Variants in RNLS observed in about 807,000 individuals in gnomAD.
RNLS encodes renalase, FAD dependent amine oxidase.
RNLS carries 39 observed loss-of-function variants against 39.8 expected under a neutral mutation model. That is an observed-to-expected ratio of 0.98 (90% CI 0.76 to 1.28). RNLS has a LOEUF of 1.28. Among genes scored for constraint, RNLS ranks in the 50% most tolerant of loss-of-function variants. The pLI, the probability that RNLS is intolerant of heterozygous loss-of-function variation, is 0.00. For missense variants in RNLS, 410 were observed against 413.3 expected (o/e 0.99, Z 0.07); for synonymous variants, 147 against 150.7 (o/e 0.98, Z 0.18).
At chr10:88,288,183 C>G (rs1843412198) in intron 6 of RNLS, among the ~76,000 whole-genome samples, 2 of 152,136 alleles carry the variant, frequency 1.3e-5, no homozygotes, top group Admixed American at 1.3e-4. Context: ...GCTGTATATG[C>G]ACACCCCATT....
chr10:88,404,689 C>G (rs1853152568), intron 4 of RNLS, among the ~76,000 whole-genome samples: 1 of 151,956 alleles, frequency 6.6e-6, no homozygotes, highest in African/African-American at 2.4e-5. Flanking sequence ...AAAAATGAAG[C>G]TTGGTAACAC....
At chr10:88,300,620 T>C (rs939487651) in intron 6 of RNLS, among the ~76,000 whole-genome samples, 3 of 152,184 alleles carry the variant, frequency 2.0e-5, no homozygotes, top group Non-Finnish European at 4.4e-5. Flanking sequence ...AGTTTTTGTA[T>C]GGCAAACTGT....
chr10:88,242,684 C>CT, the RNLS span, among the ~76,000 whole-genome samples: 1 of 152,188 alleles, frequency 6.6e-6, no homozygotes, highest in Non-Finnish European at 1.5e-5. Context: ...GGCACGGTGG[C>CT]TTATGCCTGT....
intron 3 of RNLS, among the ~76,000 whole-genome samples, chr10:88,577,679 C>T (rs569905808): frequency 2.0e-5 from 3 of 152,156 alleles, no homozygotes; most frequent in Non-Finnish European, 4.4e-5. Context: ...GTTTCACTCA[C>T]TCAAGAAGAT....
chr10:88,241,053 T>C, the RNLS span, among the ~76,000 whole-genome samples: 1 of 151,394 alleles, frequency 6.6e-6, no homozygotes, highest in Non-Finnish European at 1.5e-5. Flanking sequence ...GATATTTATA[T>C]ATATATTCCA....
chr10:88,285,784 T>C (rs1017596847), intron 6 of RNLS, among the ~76,000 whole-genome samples: 8 of 152,100 alleles, frequency 5.3e-5, no homozygotes, highest in Admixed American at 3.9e-4. Flanking sequence ...ACTTCAAAAT[T>C]AGTAGGGGCT....
At chr10:88,496,666 A>G (rs1191750422) in intron 4 of RNLS, among the ~76,000 whole-genome samples, 3 of 152,108 alleles carry the variant, frequency 2.0e-5, no homozygotes, top group East Asian at 3.9e-4. Flanking sequence ...CAGACAACAC[A>G]CAGCATTCCT....
chr10:88,282,271 A>G (rs1843039368), downstream of RNLS, among the ~76,000 whole-genome samples: 1 of 152,096 alleles, frequency 6.6e-6, no homozygotes, highest in Non-Finnish European at 1.5e-5. Context: ...ATTTCAGTTC[A>G]GTTTTAATTA....
At chr10:88,479,330 C>G (rs1844015393) in intron 4 of RNLS, among the ~76,000 whole-genome samples, 1 of 152,156 alleles carries the variant, frequency 6.6e-6, no homozygotes, top group Non-Finnish European at 1.5e-5. Context: ...ACCTTGGCAG[C>G]TAGAGTGTTG....
chr10:88,275,148 TG>T, intron 6 of RNLS: 1 of 762,852 alleles, frequency 1.3e-6, no homozygotes, highest in Non-Finnish European at 2.2e-6. Context: ...AGACCTGGAA[TG>T]GGGAGGGTTC....
intron 5 of RNLS, among the ~76,000 whole-genome samples, chr10:88,354,115 A>G (rs1053112242): frequency 2.0e-5 from 3 of 152,148 alleles, no homozygotes; most frequent in Non-Finnish European, 4.4e-5. Flanking sequence ...GTGTCTCTGC[A>G]AGTGAGATGG....
rs754357158 is a variant in RNLS, at chr10:88,581,624, TAC to T, written c.308_309del (p.Cys103Ter). The T allele has an allele frequency of 6.8e-6, 11 of 1,609,666 alleles. No homozygotes were observed. In the African/African-American group the frequency reaches 9.4e-5, roughly 14 times the overall value. ...IEGMVMKEGD[C>X]NFVAPQGISS... ...GAAATTCCTTGAGGTGCCACAAAGTTACAGTCTCCTTCTTTCATCACCATTCC... is the reference window on the plus strand; with the variant it reads ...GAAATTCCTTGAGGTGCCACAAAGTTAGTCTCCTTCTTTCATCACCATTCC... On this transcript the variant is annotated frameshift_variant, in exon 3 of 7. Transcript: ENST00000331772. LOFTEE classifies it high-confidence loss of function.
At chr10:88,362,874 C>T in intron 4 of RNLS, 149 bp from the exon 5 acceptor site, 1 of 672,362 alleles carries the variant, frequency 1.5e-6, no homozygotes, top group East Asian at 2.8e-5. Flanking sequence ...TGTAAAATAG[C>T]ACCAGCTCTA....
intron 4 of RNLS, among the ~76,000 whole-genome samples, chr10:88,365,516 A>AACAC (rs61386966): frequency 0.02 from 2,860 of 145,858 alleles, 33 homozygotes; most frequent in Non-Finnish European, 0.029. Flanking sequence ...AGGATTATAT[A>AACAC]ACACACACAC....
chr10:88,348,063 C>T lies in RNLS; in HGVS notation c.700+14489G>A, dbSNP rs747887434. 3.3e-5 allele frequency among the ~76,000 whole-genome samples: 5 copies of T among 152,192 alleles called. No individual in the cohort carries two copies. In the East Asian group the frequency reaches 5.8e-4, roughly 18 times the overall value. Reference sequence around the variant, plus strand: ...GTTAGTGGGGAGGTCTGAAAGACTGCGCCAGTTCCCACCTGTGACCCTTGC... The same window carrying T: ...GTTAGTGGGGAGGTCTGAAAGACTGTGCCAGTTCCCACCTGTGACCCTTGC... On this transcript the variant is annotated intron_variant, in intron 5 of 6. Coordinates refer to ENST00000331772, the MANE Select transcript of RNLS (RefSeq NM_001031709.3).
chr10:88,528,693 A>G (rs921494064), intron 4 of RNLS, among the ~76,000 whole-genome samples: 1 of 151,920 alleles, frequency 6.6e-6, no homozygotes, highest in African/African-American at 2.4e-5. Flanking sequence ...TAAAAATACA[A>G]ATTACAAAAA....
chr10:88,193,153 A>G, the RNLS span, among the ~76,000 whole-genome samples: 4 of 152,128 alleles, frequency 2.6e-5, no homozygotes, highest in Non-Finnish European at 4.4e-5. Context: ...GTCACCCACA[A>G]CTTAATGGTC....
intron 4 of RNLS, among the ~76,000 whole-genome samples, chr10:88,437,469 T>C (rs1841476183): frequency 6.6e-6 from 1 of 152,226 alleles, no homozygotes; most frequent in African/African-American, 2.4e-5. Flanking sequence ...CCAAGCTTTA[T>C]GTCTTAGGGG....
intron 5 of RNLS, among the ~76,000 whole-genome samples, chr10:88,347,080 C>G (rs1228760930): frequency 6.6e-6 from 1 of 152,170 alleles, no homozygotes; most frequent in African/African-American, 2.4e-5. Flanking sequence ...AATTCTTATC[C>G]AGCTCAAGTC....
Sources: gnomAD v4.1 joint callset for allele counts (sites outside exome capture counted in the v4.1 genomes callset) on GRCh38, gnomAD v4.1.1 for gene constraint, MANE v1.5 for transcripts, NCBI Gene and HGNC (gene_info 2026-07-23, HGNC 2026-07-21) for gene names.